Variants in PODXL2 observed in about 807,000 individuals in gnomAD.
The protein encoded by PODXL2 is podocalyxin-like protein 2.
PODXL2 carries 17 observed loss-of-function variants against 53.4 expected under a neutral mutation model. The ratio of observed to expected loss-of-function variants is 0.32; its 90% CI spans 0.22 to 0.48. The LOEUF is 0.48. PODXL2 is among the 20% of genes least tolerant of loss of function. PODXL2 has a pLI of 0.99. For synonymous variants in PODXL2, 311 were observed against 306.7 expected (o/e 1.01, Z -0.15); for missense variants, 673 against 760.0 (o/e 0.89, Z 1.35).
At chr3:127,648,314 G>A (rs1217406635) in intron 2 of PODXL2, among the ~76,000 whole-genome samples, 3 of 152,212 alleles carry the variant, frequency 2.0e-5, no homozygotes, top group Non-Finnish European at 2.9e-5. Context: ...GCTGGTTCCT[G>A]TACAGCGAAG....
chr3:127,660,897 C>T lies in PODXL2; in HGVS notation c.869C>T (p.Thr290Ile). Reference protein sequence around the residue: ...EAPQEASEEATAGAAGLSGQH... With the variant: ...EAPQEASEEAIAGAAGLSGQH... Reference sequence around the variant, plus strand: ...CCTCAGGAAGCAAGCGAGGAAGCCACTGCAGGAGCAGCTGGTTTGTCTGGC... The same window carrying T: ...CCTCAGGAAGCAAGCGAGGAAGCCATTGCAGGAGCAGCTGGTTTGTCTGGC... Residue 290 changes from threonine to isoleucine, a missense_variant, in exon 3 of 8, where the codon ACT becomes ATT. Around this residue, in one of 3 missense-constraint regions of PODXL2, gnomAD observed 588 missense variants for 668.3 expected, o/e 0.88. Transcript: ENST00000342480. 1 of 1,614,272 alleles carries T rather than the reference C, an allele frequency of 6.2e-7. No individual in the cohort carries two copies. The highest frequency in any genetic ancestry group is 1.1e-5 in the South Asian group (1 of 91,090).
rs1291697947 is a variant in PODXL2 at position 127,671,588 on chromosome 3, G to A, written c.1580G>A (p.Arg527His). The A allele has an allele frequency of 1.9e-6, 3 of 1,613,594 alleles. No individual in the cohort carries two copies. The highest frequency in any genetic ancestry group is 1.7e-5 in the Admixed American group (1 of 60,006). The stretch of plus-strand genomic sequence containing the variant: ...GGCCTGCTCTACAACTGCTGGCAGC[G>A]CCGGCTGCCCAAGCTCAAGCACGTG... ...ALGLLYNCWQ[R>H]RLPKLKHVSH... Residue 527 changes from arginine to histidine, a missense_variant, in exon 7 of 8, where the codon CGC becomes CAC. Arg to His is a conservative substitution (Grantham distance 29). This residue lies in a region of PODXL2 where 588 missense variants were observed against 668.3 expected (regional missense o/e 0.88). Transcript: ENST00000342480.
At chr3:127,634,124 T>G (rs1479612239) in intron 1 of PODXL2, among the ~76,000 whole-genome samples, 2 of 151,910 alleles carry the variant, frequency 1.3e-5, no homozygotes, top group East Asian at 3.9e-4. Flanking sequence ...GAACCAGATT[T>G]GCATTTTAAA....
chr3:127,650,336 A>C (rs1180119688), intron 2 of PODXL2, among the ~76,000 whole-genome samples: 1 of 152,176 alleles, frequency 6.6e-6, no homozygotes, highest in Non-Finnish European at 1.5e-5. Flanking sequence ...TATTTAGGGA[A>C]CAAAGCCAGC....
intron 7 of PODXL2, 126 bp from the exon 8 acceptor site, chr3:127,672,139 AAAG>A (rs1257390917): frequency 2.9e-5 from 19 of 663,008 alleles, no homozygotes; most frequent in Non-Finnish European, 4.7e-5. Context: ...CAGCAACAGA[AAAG>A]AAGGATCTGG....
At chr3:127,632,407 A>G (rs1167489647) in intron 1 of PODXL2, among the ~76,000 whole-genome samples, 3 of 152,216 alleles carry the variant, frequency 2.0e-5, no homozygotes, top group Non-Finnish European at 4.4e-5. Flanking sequence ...CTTAGGGAGA[A>G]TCAGTTTACA....
At position 127,639,401 on chromosome 3, in the gene PODXL2, C is replaced by T. The variant is rs764539697; in HGVS notation, c.227C>T (p.Ala76Val). The change falls in exon 2 of 8, where the codon GCC (alanine) becomes GTC (valine). Residue 76 changes from alanine (A) to valine (V), a missense_variant. Around this residue, in one of 3 missense-constraint regions of PODXL2, gnomAD observed 588 missense variants for 668.3 expected, o/e 0.88. Transcript: ENST00000342480. ...ATGGGCCTGGGAGCTGGGCTGGGAGCCCCTGGCTCAGGCTTCCCCAGCGAA... is the reference window on the plus strand; with the variant it reads ...ATGGGCCTGGGAGCTGGGCTGGGAGTCCCTGGCTCAGGCTTCCCCAGCGAA... ...ETMGLGAGLG[A>V]PGSGFPSEEN... 5 of 1,614,228 alleles carry T rather than the reference C, an allele frequency of 3.1e-6. No homozygotes were observed. Among genetic ancestry groups the T allele is most frequent in the African/African-American group, 1.3e-5 (1 of 75,070 alleles).
In PODXL2 at chr3:127,671,515, G is replaced by C. The variant is rs748147701; in HGVS notation, c.1507G>C (p.Val503Leu). The C allele has an allele frequency of 3.7e-6, 6 of 1,614,046 alleles. No homozygotes were observed. The South Asian group carries it at 4.4e-5, about 12-fold the overall frequency. ...QVRSDYGTLF[V>L]VLVVIGAICI... ...GCGCAGCGACTACGGCACGCTCTTC[G>C]TGGTGCTGGTGGTCATTGGGGCCAT... is the stretch of plus-strand genomic sequence containing the variant. Residue 503 changes from valine to leucine, a missense_variant, in exon 7 of 8, where the codon GTG becomes CTG. Around this residue, in one of 3 missense-constraint regions of PODXL2, gnomAD observed 588 missense variants for 668.3 expected, o/e 0.88. Transcript: ENST00000342480.
chr3:127,640,408 G>A (rs376810793), intron 2 of PODXL2, among the ~76,000 whole-genome samples: 1 of 152,110 alleles, frequency 6.6e-6, no homozygotes, highest in Admixed American at 6.5e-5. Flanking sequence ...ATAATACAAA[G>A]AAGAAAATAA....
At chr3:127,671,788 G>C (rs1031049870) in intron 7 of PODXL2, among the ~76,000 whole-genome samples, 175 bp downstream of exon 7, 1 of 152,228 alleles carries the variant, frequency 6.6e-6, no homozygotes, top group African/African-American at 2.4e-5. Flanking sequence ...CCCCAGGACA[G>C]GTGCCAGAGG....
In PODXL2 at chr3:127,649,412, C is replaced by G. The variant is rs545998377; in HGVS notation, c.349+9889C>G. Among the ~76,000 whole-genome samples the G allele has an allele frequency of 3.4e-4, 52 of 152,314 alleles. 1 individual carries two copies. The South Asian group carries it at 0.01, about 30-fold the overall frequency. On this transcript the variant is annotated intron_variant, in intron 2 of 7. Coordinates refer to ENST00000342480, the MANE Select transcript of PODXL2 (RefSeq NM_015720.4). ...CTAATCGTCTCCTTAGGGTACCTTT[C>G]CAGAAGTGAGATTGTAGGTTCAGAA...
intron 4 of PODXL2, among the ~76,000 whole-genome samples, chr3:127,668,127 TG>T (rs2074806259): frequency 6.6e-6 from 1 of 151,846 alleles, no homozygotes; most frequent in Non-Finnish European, 1.5e-5. Context: ...TGTGTGTGTG[TG>T]TGTGTGTGTG....
chr3:127,639,500 G>C lies in PODXL2; in HGVS notation c.326G>C (p.Ser109Thr). 1.9e-6 allele frequency: 3 copies of C among 1,613,812 alleles called. No homozygotes were observed. The highest frequency in any genetic ancestry group is 2.5e-6 in the Non-Finnish European group (3 of 1,179,776). ...GAGGAGGAAGAGCTGAATGACTCAA[G>C]TCTGGACCTGGGACCCACTGCAGGT... is the stretch of plus-strand genomic sequence containing the variant. ...WEEEEELNDSSLDLGPTADYV... is the reference protein window; with the variant it reads ...WEEEEELNDSTLDLGPTADYV... The change falls in exon 2 of 8, where the codon AGT becomes ACT. Residue 109 changes from serine (S) to threonine (T), a missense_variant. By Grantham distance (58) the Ser-to-Thr change is moderately conservative (BLOSUM62 1). Transcript: ENST00000342480.
intron 4 of PODXL2, among the ~76,000 whole-genome samples, chr3:127,668,049 G>T (rs1213626073): frequency 6.6e-6 from 1 of 151,932 alleles, no homozygotes; most frequent in African/African-American, 2.4e-5. Context: ...TTCTCCCATA[G>T]GCCTTACCAC....
In PODXL2 at chr3:127,672,348, G is replaced by A. The variant is rs114192697; in HGVS notation, c.1686G>A (p.Ser562=). The A allele has an allele frequency of 3.5e-3, 5,462 of 1,549,870 alleles. 109 individuals are homozygous for A. Among genetic ancestry groups the A allele is most frequent in the African/African-American group, 0.035 (2,576 of 73,286 alleles). Residue 562 remains serine, a synonymous_variant, in exon 8 of 8, where the codon TCG becomes TCA. Transcript: ENST00000342480. ...PTLDVASDSQ[S]EMQEKHPSLN... ...TGGACGTGGCCAGCGACAGCCAGTC[G>A]GAGATGCAGGAGAAGCACCCCAGCC...
Position 127,671,576 on chromosome 3 carries a change from A to G in PODXL2, c.1568A>G (p.Asn523Ser). The G allele has an allele frequency of 1.2e-6, 2 of 1,613,962 alleles. No individual in the cohort carries two copies. Among genetic ancestry groups the G allele is most frequent in the East Asian group, 2.2e-5 (1 of 44,878 alleles). Reference sequence around the variant, plus strand: ...ATCATTGCGCTTGGCCTGCTCTACAACTGCTGGCAGCGCCGGCTGCCCAAG... The same window carrying G: ...ATCATTGCGCTTGGCCTGCTCTACAGCTGCTGGCAGCGCCGGCTGCCCAAG... ...IIIIALGLLY[N>S]CWQRRLPKLK... Residue 523 changes from asparagine to serine, a missense_variant, in exon 7 of 8, where the codon AAC becomes AGC. By Grantham distance (46) the Asn-to-Ser change is conservative (BLOSUM62 1). This residue lies in a region of PODXL2 where 588 missense variants were observed against 668.3 expected (regional missense o/e 0.88). Transcript: ENST00000342480.
At chr3:127,672,120 G>A (rs1280752083) in intron 7 of PODXL2, 148 bp from the exon 8 acceptor site, 1 of 632,426 alleles carries the variant, frequency 1.6e-6, no homozygotes, top group Non-Finnish European at 2.8e-6. Flanking sequence ...TGAGAAAGGA[G>A]TTGAGCTGCA....
intron 2 of PODXL2, among the ~76,000 whole-genome samples, chr3:127,656,734 C>CAA (rs71150487): frequency 0.058 from 1,636 of 28,050 alleles, 312 homozygotes; most frequent in East Asian, 0.092. Flanking sequence ...GACTCCATCT[C>CAA]AAAAAAAAAA....
Position 127,639,666 on chromosome 3 carries a change from G to A in PODXL2, c.349+143G>A, listed in dbSNP as rs1017981020. The stretch of plus-strand genomic sequence containing the variant: ...GCTGCTGCTGTTTACCTGCACATCA[G>A]AGCAAAGGCTCTGGGACCCTGAATG... On this transcript the variant is annotated intron_variant, in intron 2 of 7. Transcript: ENST00000342480. 1.3e-5 allele frequency: 10 copies of A among 799,304 alleles called. No homozygotes were observed. The African/African-American group carries it at 1.7e-4, about 14-fold the overall frequency. The allele number at this position is 799,304 out of a possible 1,614,324, so 49.5% of individuals were successfully genotyped here. A position where few individuals can be genotyped will look rare whatever the true frequency, so the allele number is the denominator to read the frequency against.
Sources: gnomAD v4.1 joint callset for allele counts (sites outside exome capture counted in the v4.1 genomes callset) on GRCh38, gnomAD v4.1.1 for gene constraint, gnomAD v4.1.1 regional missense constraint, MANE v1.5 for transcripts, NCBI Gene and HGNC (gene_info 2026-07-23, HGNC 2026-07-21) for gene names.